Variants in DENND6B observed in about 807,000 individuals in gnomAD.
DENND6B encodes protein DENND6B.
A neutral mutation model predicts 85.1 loss-of-function variants in DENND6B; 73 were observed. The observed-to-expected ratio is 0.86, with a 90% CI of 0.71 to 1.04. The LOEUF (loss-of-function observed/expected upper bound fraction) is 1.04. Among genes scored for constraint, DENND6B ranks in the 50% least tolerant of loss-of-function variants. DENND6B has a pLI of 0.00. For synonymous variants in DENND6B, 357 were observed against 329.3 expected, an observed-to-expected ratio of 1.08 and a Z score of -0.91; for missense variants, 715 against 785.8, an observed-to-expected ratio of 0.91 and a Z score of 1.08.
At chr22:50,321,521 C>T (rs1398657355) in intron 1 of DENND6B, among the ~76,000 whole-genome samples, 2 of 151,490 alleles carry the variant, frequency 1.3e-5, no homozygotes, top group African/African-American at 2.4e-5. Flanking sequence ...CCACCACGCC[C>T]GGCTAACATT....
At position 50,311,891 on chromosome 22, in the gene DENND6B, T is replaced by C; in HGVS notation, c.*248A>G. 1.6e-6 allele frequency: 1 copy of C among 608,376 alleles called. No homozygotes were observed. The highest frequency in any genetic ancestry group is 2.8e-6 in the Non-Finnish European group (1 of 362,010). 37.7% of individuals were successfully genotyped at this position (608,376 alleles called of 1,614,324 possible). ...CCCGCCCCCGTCCCAGCCTAAGGTC[T>C]GCAGAGGCCAGGTGGGACCCAGGAG... On this transcript the variant is annotated 3_prime_UTR_variant, in exon 20 of 20. Transcript: ENST00000413817.
At chr22:50,326,208 G>A (rs1175451776) in intron 1 of DENND6B, among the ~76,000 whole-genome samples, 1 of 152,246 alleles carries the variant, frequency 6.6e-6, no homozygotes, top group Non-Finnish European at 1.5e-5. Flanking sequence ...CACAGCCGAT[G>A]AACAGACCCC....
At chr22:50,312,502 C>T in intron 18 of DENND6B, 21 bp downstream of exon 18, 1 of 1,573,094 alleles carries the variant, frequency 6.4e-7, no homozygotes, top group South Asian at 1.2e-5. Context: ...CTGGCCCTCC[C>T]CAACCCCCAG....
chr22:50,316,505 C>T (rs2041823242), intron 5 of DENND6B, 30 bp from the exon 6 acceptor site: 1 of 1,553,590 alleles, frequency 6.4e-7, no homozygotes, highest in Non-Finnish European at 8.7e-7. Flanking sequence ...GTTAGAGGCC[C>T]AGTGCCAGGC....
chr22:50,314,413 C>A lies in DENND6B; in HGVS notation c.1059G>T (p.Glu353Asp). The change falls in exon 12 of 20, where the codon GAG (glutamate) becomes GAT (aspartate). Residue 353 changes from glutamate to aspartate, a missense_variant. Coordinates refer to ENST00000413817, the MANE Select transcript of DENND6B (RefSeq NM_001001794.4). ...CGGGAGCCTGACCTGACATCTTGGG[C>A]TCCCCGACTCGGAGGATGTGGGGCC... ...QHWPHILRVG[E>D]PKMSGDLPKQ... is the part of the protein sequence containing the mutation. 6.4e-7 allele frequency: 1 copy of A among 1,564,328 alleles called. No homozygotes were observed. The highest frequency in any genetic ancestry group is 2.4e-5 in the East Asian group (1 of 42,198).
intron 1 of DENND6B, among the ~76,000 whole-genome samples, chr22:50,323,625 T>C (rs1441617820): frequency 2.0e-5 from 3 of 151,976 alleles, no homozygotes; most frequent in Non-Finnish European, 2.9e-5. Flanking sequence ...TTTTGCTATA[T>C]TGACCAAGCT....
At position 50,315,614 on chromosome 22, in the gene DENND6B, G is replaced by T. The variant is rs548993984; in HGVS notation, c.758+100C>A. ...CACGTGCACTCACGCAGACACACACGCACACACATACTCACACACAGATGC... is the reference window on the plus strand; with the variant it reads ...CACGTGCACTCACGCAGACACACACTCACACACATACTCACACACAGATGC... On this transcript the variant is annotated intron_variant, in intron 9 of 19. Transcript: ENST00000413817. 1.5e-5 allele frequency: 20 copies of T among 1,341,706 alleles called. No individual in the cohort carries two copies. In the East Asian group the frequency reaches 4.6e-4, roughly 31 times the overall value. The allele number at this position is 1,341,706 out of a possible 1,614,324, so 83.1% of individuals were successfully genotyped here.
At chr22:50,321,185 C>T (rs145225112) in intron 1 of DENND6B, among the ~76,000 whole-genome samples, 185 of 152,100 alleles carry the variant, frequency 1.2e-3, no homozygotes, top group Middle Eastern at 0.01. Flanking sequence ...AAGGTATGGC[C>T]GGGCCACCCT....
chr22:50,325,913 G>C (rs925179981), intron 1 of DENND6B, among the ~76,000 whole-genome samples: 2 of 152,234 alleles, frequency 1.3e-5, no homozygotes, highest in Admixed American at 1.3e-4. Context: ...CAACCACAGA[G>C]ACGCGCTGCC....
At chr22:50,317,425 A>G in intron 4 of DENND6B, 52 bp from the exon 5 acceptor site, 4 of 1,604,152 alleles carry the variant, frequency 2.5e-6, no homozygotes, top group South Asian at 1.1e-5. Context: ...CCACCTGGCC[A>G]GCCCCAGGGC....
Position 50,313,455 on chromosome 22 carries a change from C to T in DENND6B, c.1338G>A (p.Thr446=), listed in dbSNP as rs180969906. 1,442 of 1,542,818 alleles carry T rather than the reference C, an allele frequency of 9.3e-4. 1 individual carries two copies. Among genetic ancestry groups the T allele is most frequent in the Non-Finnish European group, 1.1e-3 (1,304 of 1,145,388 alleles). ...ASLMPLQKSI[T]PWKTPPQIQP... is the part of the protein sequence containing the mutation. ...CCCACAGGACCCCCACCTTCCAGGG[C>T]GTGATGCTCTTCTGCAGGGGCATGA... Residue 446 remains threonine, a synonymous_variant, in exon 16 of 20, where the codon ACG becomes ACA. Transcript: ENST00000413817.
intron 1 of DENND6B, among the ~76,000 whole-genome samples, chr22:50,322,160 C>T (rs1174453109): frequency 4.7e-5 from 7 of 150,448 alleles, no homozygotes; most frequent in Non-Finnish European, 8.9e-5. Flanking sequence ...CTGCAAGCTC[C>T]GCCTCCCGGG....
intron 16 of DENND6B, 68 bp downstream of exon 16, chr22:50,313,378 T>C (rs2068114281): frequency 2.0e-6 from 3 of 1,515,528 alleles, no homozygotes; most frequent in Non-Finnish European, 1.8e-6. Flanking sequence ...CTCCAGACCT[T>C]CCCTCCTCCG....
At chr22:50,320,250 G>A (rs1017961194) in intron 1 of DENND6B, among the ~76,000 whole-genome samples, 2 of 152,222 alleles carry the variant, frequency 1.3e-5, no homozygotes, top group African/African-American at 2.4e-5. Context: ...ACAGGGTCTC[G>A]TTCCCTCACC....
chr22:50,316,355 C>T lies in DENND6B; in HGVS notation c.559+15G>A, dbSNP rs2041816346. On this transcript the variant is annotated intron_variant, in intron 6 of 19. Transcript: ENST00000413817. ...GATGATGAGACCACGATGGCCACGA[C>T]TGATGGCCACTCACCTGCTTCCAGG... The T allele has an allele frequency of 6.4e-7, 1 of 1,567,876 alleles. No homozygotes were observed. Among genetic ancestry groups the T allele is most frequent in the Non-Finnish European group, 8.6e-7 (1 of 1,157,786 alleles).
In DENND6B at chr22:50,316,196, G is replaced by C; in HGVS notation, c.617C>G (p.Pro206Arg). The change falls in exon 7 of 20, where the codon CCT (proline) becomes CGT (arginine). Residue 206 changes from proline to arginine, a missense_variant. Pro to Arg is a moderately radical substitution (Grantham distance 103). Transcript: ENST00000413817. ...CACCTGGACAACAACGCCCATGACA[G>C]GTAGGTTCAGGGTCTGCCCAGGTGC... is the stretch of plus-strand genomic sequence containing the variant. ...APAPGQTLNL[P>R]VMGVVVQVRI... The C allele has an allele frequency of 1.2e-6, 2 of 1,612,116 alleles. No homozygotes were observed. Among genetic ancestry groups the C allele is most frequent in the Non-Finnish European group, 8.5e-7 (1 of 1,179,782 alleles).
At chr22:50,326,299 C>A in intron 1 of DENND6B, among the ~76,000 whole-genome samples, 1 of 152,164 alleles carries the variant, frequency 6.6e-6, no homozygotes, top group East Asian at 1.9e-4. Context: ...AACAAGGAGG[C>A]GCTGCAGGGT....
At chr22:50,323,373 T>A (rs2042109637) in intron 1 of DENND6B, among the ~76,000 whole-genome samples, 1 of 145,200 alleles carries the variant, frequency 6.9e-6, no homozygotes, top group Non-Finnish European at 1.5e-5. Context: ...CACTGCAACC[T>A]CCACCTCCCG....
Position 50,313,097 on chromosome 22 carries a change from C to T in DENND6B, c.1359G>A (p.Gln453=). The change falls in exon 17 of 20, where the codon CAG becomes CAA. Residue 453 remains glutamine (Q), a synonymous_variant. Coordinates refer to ENST00000413817, the MANE Select transcript of DENND6B (RefSeq NM_001001794.4). ...KSITPWKTPP[Q]IQPFSQDDFL... ...AGTCATCCTGGCTGAAGGGCTGGAT[C>T]TGGGGGGGAGTCTGAGAGGGGATGG... 1 of 1,555,610 alleles carries T rather than the reference C, an allele frequency of 6.4e-7. No individual in the cohort carries two copies. Among genetic ancestry groups the T allele is most frequent in the Non-Finnish European group, 8.7e-7 (1 of 1,150,152 alleles).
Sources: gnomAD v4.1 joint callset for allele counts (sites outside exome capture counted in the v4.1 genomes callset) on GRCh38, gnomAD v4.1.1 for gene constraint, MANE v1.5 for transcripts, NCBI Gene and HGNC (gene_info 2026-07-23, HGNC 2026-07-21) for gene names.